Variants in PZP observed in about 807,000 individuals in gnomAD.
PZP encodes pregnancy zone protein.
PZP carries 150 observed loss-of-function variants against 179.8 expected under a neutral mutation model. The observed-to-expected ratio is 0.83, with a 90% CI of 0.73 to 0.96. The LOEUF is 0.96. Ranked by LOEUF, PZP falls within the 40% of genes least tolerant of loss-of-function variation. The pLI is 0.00. For missense variants in PZP, 1,689 were observed against 1,764.0 expected (o/e 0.96, Z 0.76); for synonymous variants, 624 against 652.3 (o/e 0.96, Z 0.66).
Position 9,169,506 on chromosome 12 carries a change from C to T in PZP, c.1925G>A (p.Arg642His), listed in dbSNP as rs60479172. The T allele has an allele frequency of 6.1e-5, 98 of 1,612,584 alleles. No individual in the cohort carries two copies. The African/African-American group carries it at 9.9e-4, about 16-fold the overall frequency. ...QQEEEQGHCPRPFFIHNGAIY... is the reference protein window; with the variant it reads ...QQEEEQGHCPHPFFIHNGAIY... Reference sequence around the variant, plus strand: ...GGCTCCATTATGAATGAAGAAAGGACGGGGACAGTGTCCTTGTTCTTCCTC... The same window carrying T: ...GGCTCCATTATGAATGAAGAAAGGATGGGGACAGTGTCCTTGTTCTTCCTC... Residue 642 changes from arginine to histidine, a missense_variant, in exon 16 of 36, where the codon CGT (arginine) becomes CAT (histidine). Arg to His is a conservative substitution (Grantham distance 29). Around this residue, in one of 3 missense-constraint regions of PZP, gnomAD observed 201 missense variants for 284.2 expected, o/e 0.71. Coordinates refer to ENST00000261336, the MANE Select transcript of PZP (RefSeq NM_002864.3).
chr12:9,196,403 G>C lies in PZP; in HGVS notation c.1019C>G (p.Thr340Arg), dbSNP rs1248399644. 6.2e-7 allele frequency: 1 copy of C among 1,613,722 alleles called. No homozygotes were observed. Among genetic ancestry groups the C allele is most frequent in the South Asian group, 1.1e-5 (1 of 91,080 alleles). ...EVTANRISEI[T>R]NIVSKLKFVK... Reference sequence around the variant, plus strand: ...GAATTTGAGTTTGGATACAATGTTTGTGATTTCACTGATCCTGTTTGCAGT... The same window carrying C: ...GAATTTGAGTTTGGATACAATGTTTCTGATTTCACTGATCCTGTTTGCAGT... Residue 340 changes from threonine (T) to arginine (R), a missense_variant, in exon 10 of 36, where the codon ACA becomes AGA. Thr to Arg is a moderately conservative substitution (Grantham distance 71). Transcript: ENST00000261336.
In PZP at chr12:9,157,725, T is replaced by C. The variant is rs780847041; in HGVS notation, c.3369+42A>G. ...AGGGTGGCATTCCAGACAGCAAATC[T>C]ACAGTTTTCATGGTAGGGAATGGGA... is the stretch of plus-strand genomic sequence containing the variant. On this transcript the variant is annotated intron_variant, in intron 27 of 35. Transcript: ENST00000261336. The C allele has an allele frequency of 1.9e-6, 3 of 1,565,558 alleles. No individual in the cohort carries two copies. The African/African-American group carries it at 4.1e-5, about 21-fold the overall frequency.
chr12:9,201,626 A>G lies in PZP; in HGVS notation c.481-279T>C, dbSNP rs766950872. Among the ~76,000 whole-genome samples, 37 of 152,162 alleles carry G rather than the reference A, an allele frequency of 2.4e-4. 1 individual carries two copies. The highest frequency in any genetic ancestry group is 4.4e-4 in the Non-Finnish European group (30 of 68,004). On this transcript the variant is annotated intron_variant, in intron 4 of 35. Transcript: ENST00000261336. ...CTTTAAGTATTAATATTATTTGGAT[A>G]CTAAAATTCTCCTAGTGAATAATAT...
chr12:9,205,371 T>G lies in PZP; in HGVS notation c.84-1420A>C, dbSNP rs1349085162. 3.3e-5 allele frequency among the ~76,000 whole-genome samples: 5 copies of G among 152,134 alleles called. No individual in the cohort carries two copies. In the South Asian group the frequency reaches 1.0e-3, roughly 32 times the overall value. ...GGGCTGAAAGAGAATGTGTTTTTGT[T>G]GTTGCTGTTTTTGAGCATCTGCCAC... On this transcript the variant is annotated intron_variant, in intron 1 of 35. Transcript: ENST00000261336.
intron 15 of PZP, among the ~76,000 whole-genome samples, chr12:9,175,239 T>G (rs750074026): frequency 6.6e-6 from 1 of 152,292 alleles, no homozygotes; most frequent in South Asian, 2.1e-4. Flanking sequence ...TAAATGGTGC[T>G]GGGAATGCTG....
chr12:9,181,967 T>A lies in PZP; in HGVS notation c.1689+8A>T, dbSNP rs1942789362. The stretch of plus-strand genomic sequence containing the variant: ...TGTGTTCTTTTAATTTTATGTTAAA[T>A]CGCTCACCTTGTTGGCTAGACAGTT... On this transcript the variant is annotated splice_region_variant and intron_variant, in intron 14 of 35. Transcript: ENST00000261336. 5.6e-6 allele frequency: 9 copies of A among 1,612,430 alleles called. No individual in the cohort carries two copies. The East Asian group carries it at 2.0e-4, about 36-fold the overall frequency.
chr12:9,198,580 C>G (rs1403027739), intron 7 of PZP, among the ~76,000 whole-genome samples: 2 of 151,980 alleles, frequency 1.3e-5, no homozygotes, highest in Non-Finnish European at 2.9e-5. Flanking sequence ...GAAAAAGAAG[C>G]CTAGGAACAC....
At position 9,176,490 on chromosome 12, in the gene PZP, G is replaced by A. The variant is rs113158154; in HGVS notation, c.1839+4493C>T. Among the ~76,000 whole-genome samples, 16 of 152,226 alleles carry A rather than the reference G, an allele frequency of 1.1e-4. 1 individual carries two copies. Among genetic ancestry groups the A allele is most frequent in the Middle Eastern group, 3.4e-3 (1 of 294 alleles). On this transcript the variant is annotated intron_variant, in intron 15 of 35. Coordinates refer to ENST00000261336, the MANE Select transcript of PZP (RefSeq NM_002864.3). ...GAAGAAAGAAATAAATAAATAAAACGCAGTCCATATTCAAAATAAAAATAA... is the reference window on the plus strand; with the variant it reads ...GAAGAAAGAAATAAATAAATAAAACACAGTCCATATTCAAAATAAAAATAA...
rs755796645 is a variant in PZP at position 9,196,437 on chromosome 12, G to A, written c.985C>T (p.Leu329=). ...CTGATCCTGTTTGCAGTGACTTCCA[G>A]GTCTGAAAAATATAAAGAGTCAGTA... ...EARIREEGTD[L]EVTANRISEI... Residue 329 remains leucine (L), a splice_region_variant and synonymous_variant, in exon 10 of 36, where the codon CTG becomes TTG. Coordinates refer to ENST00000261336, the MANE Select transcript of PZP (RefSeq NM_002864.3). 26 of 1,608,174 alleles carry A rather than the reference G, an allele frequency of 1.6e-5. No homozygotes were observed. In the South Asian group the frequency reaches 2.4e-4, roughly 15 times the overall value.
chr12:9,194,547 C>A (rs1166422369), intron 10 of PZP, among the ~76,000 whole-genome samples: 45 of 148,026 alleles, frequency 3.0e-4, no homozygotes, highest in Non-Finnish European at 4.6e-4. Context: ...TCACTGCAAG[C>A]TCTGCCTCCT....
chr12:9,159,278 T>A (rs953273976), intron 25 of PZP, among the ~76,000 whole-genome samples: 28 of 152,160 alleles, frequency 1.8e-4, no homozygotes, highest in African/African-American at 6.8e-4. Context: ...CTAAAAGTGT[T>A]CTCAATTTTG....
rs1200407785 is a variant in PZP at position 9,200,888 on chromosome 12, A to G, written c.670+4T>C. The G allele has an allele frequency of 1.9e-6, 3 of 1,611,038 alleles. No homozygotes were observed. Among genetic ancestry groups the G allele is most frequent in the African/African-American group, 1.3e-5 (1 of 74,762 alleles). On this transcript the variant is annotated splice_donor_region_variant and intron_variant, in intron 6 of 35. Transcript: ENST00000261336. The stretch of plus-strand genomic sequence containing the variant: ...ATGCCTTTTTCATCTTCCATAATCC[A>G]TACCAAATTCCTCCACGGTGAAGGG...
At position 9,157,748 on chromosome 12, in the gene PZP, G is replaced by T; in HGVS notation, c.3369+19C>A. The T allele has an allele frequency of 6.2e-7, 1 of 1,603,238 alleles. No homozygotes were observed. The highest frequency in any genetic ancestry group is 1.1e-5 in the South Asian group (1 of 90,828). On this transcript the variant is annotated intron_variant, in intron 27 of 35. Transcript: ENST00000261336. Reference sequence around the variant, plus strand: ...TCTACAGTTTTCATGGTAGGGAATGGGATTGAGCTGGTACCTACAGTGACT... The same window carrying T: ...TCTACAGTTTTCATGGTAGGGAATGTGATTGAGCTGGTACCTACAGTGACT...
In PZP at chr12:9,160,440, G is replaced by A. The variant is rs1416889085; in HGVS notation, c.2923C>T (p.Pro975Ser). The change falls in exon 24 of 36, where the codon CCA (proline) becomes TCA (serine). Residue 975 changes from proline to serine, a missense_variant. By Grantham distance (74) the Pro-to-Ser change is moderately conservative. Around this residue, in one of 3 missense-constraint regions of PZP, gnomAD observed 746 missense variants for 749.2 expected, o/e 1.00. Coordinates refer to ENST00000261336, the MANE Select transcript of PZP (RefSeq NM_002864.3). ...MQNIQNLLQM[P>S]YGCGEQNMVL... Reference sequence around the variant, plus strand: ...ATGTTCTGTTCTCCACAGCCATATGGCATCTGGAGGAGATTTTGTATATTT... The same window carrying A: ...ATGTTCTGTTCTCCACAGCCATATGACATCTGGAGGAGATTTTGTATATTT... The A allele has an allele frequency of 1.2e-6, 2 of 1,613,970 alleles. No homozygotes were observed. The highest frequency in any genetic ancestry group is 2.2e-5 in the South Asian group (2 of 91,082).
At position 9,202,364 on chromosome 12, in the gene PZP, G is replaced by T. The variant is rs769644473; in HGVS notation, c.435C>A (p.Phe145Leu). ...AATTTTCATCCACGGAGACAACACG[G>T]AATCTTACTGGAAAAGTAGTTCTCC... is the stretch of plus-strand genomic sequence containing the variant. ...PMYKPGQTVR[F>L]RVVSVDENFR... is the part of the protein sequence containing the mutation. The change falls in exon 4 of 36, where the codon TTC (phenylalanine) becomes TTA (leucine). Residue 145 changes from phenylalanine (F) to leucine (L), a missense_variant. This residue lies in a region of PZP where 742 missense variants were observed against 730.5 expected (regional missense o/e 1.02). Coordinates refer to ENST00000261336, the MANE Select transcript of PZP (RefSeq NM_002864.3). 449 of 1,614,104 alleles carry T rather than the reference G, an allele frequency of 2.8e-4. 7 individuals are homozygous for T. In the South Asian group the frequency reaches 4.5e-3, roughly 16 times the overall value.
At chr12:9,194,959 G>C (rs1241319925) in intron 10 of PZP, among the ~76,000 whole-genome samples, 1 of 152,024 alleles carries the variant, frequency 6.6e-6, no homozygotes, top group Non-Finnish European at 1.5e-5. Flanking sequence ...CATTAAAAGG[G>C]GGATAATAGT....
intron 15 of PZP, 32 bp from the exon 16 acceptor site, chr12:9,169,623 GTTAC>G (rs757214476): frequency 3.3e-6 from 5 of 1,529,600 alleles, no homozygotes; most frequent in Non-Finnish European, 2.6e-6. Context: ...AGGCAGAACT[GTTAC>G]TTACTTTTCT....
chr12:9,162,542 G>T, intron 22 of PZP, 55 bp downstream of exon 22: 1 of 1,275,400 alleles, frequency 7.8e-7, no homozygotes, highest in South Asian at 1.3e-5. Flanking sequence ...GTAACTTGAG[G>T]TTTATACCCC....
At position 9,194,320 on chromosome 12, in the gene PZP, T is replaced by C. The variant is rs780422174; in HGVS notation, c.1093-82A>G. 20 of 1,353,210 alleles carry C rather than the reference T, an allele frequency of 1.5e-5. No homozygotes were observed. In the African/African-American group the frequency reaches 1.8e-4, roughly 12 times the overall value. The allele number at this position is 1,353,210 out of a possible 1,614,324, so 83.8% of individuals were successfully genotyped here. On this transcript the variant is annotated intron_variant, in intron 10 of 35. Transcript: ENST00000261336. Reference sequence around the variant, plus strand: ...TCATGTGAACAAATGCTTTTGCTGCTATAACTAAAACAACAACCTCCCCCT... The same window carrying C: ...TCATGTGAACAAATGCTTTTGCTGCCATAACTAAAACAACAACCTCCCCCT...
Sources: gnomAD v4.1 joint callset for allele counts (sites outside exome capture counted in the v4.1 genomes callset) on GRCh38, gnomAD v4.1.1 for gene constraint, gnomAD v4.1.1 regional missense constraint, MANE v1.5 for transcripts, NCBI Gene and HGNC (gene_info 2026-07-23, HGNC 2026-07-21) for gene names.